Variants in ZNF735 observed in about 807,000 individuals in gnomAD.
The protein encoded by ZNF735 is zinc finger protein 735, also known as putative zinc finger protein 735.
A neutral mutation model predicts 13.4 loss-of-function variants in ZNF735; 11 were observed. That is an observed-to-expected ratio of 0.82 (90% CI 0.52 to 1.36). The LOEUF (loss-of-function observed/expected upper bound fraction) is 1.36, where lower values mean the gene tolerates loss of function less well. ZNF735 is among the 40% of genes most tolerant of loss of function. The pLI is 0.00. For missense variants in ZNF735, 500 were observed against 484.6 expected, an observed-to-expected ratio of 1.03 and a Z score of -0.30; for synonymous variants, 171 against 162.6, an observed-to-expected ratio of 1.05 and a Z score of -0.39.
chr7:64,209,228 G>GTTTTTT (rs377315967), intron 1 of ZNF735, among the ~76,000 whole-genome samples: 3,242 of 139,668 alleles, frequency 0.023, 74 homozygotes, highest in East Asian at 0.12. Flanking sequence ...CATCTGTTCC[G>GTTTTTT]TTTTTTTTTT....
exon 4 of ZNF735, chr7:64,219,444 A>G (rs1475281528): frequency 6.2e-7 from 1 of 1,613,816 alleles, no homozygotes; most frequent in Non-Finnish European, 8.5e-7. Context: ...GTTGTAAAAG[A>G]GTAGATGAGT....
At chr7:64,212,522 GT>G (rs1231003091) in intron 1 of ZNF735, among the ~76,000 whole-genome samples, 3 of 152,222 alleles carry the variant, frequency 2.0e-5, no homozygotes, top group Non-Finnish European at 4.4e-5. Flanking sequence ...ACCGGGTGAG[GT>G]GGCTCATGCC....
exon 4 of ZNF735, chr7:64,219,370 C>T: frequency 6.2e-7 from 1 of 1,613,804 alleles, no homozygotes; most frequent in South Asian, 1.1e-5. Context: ...AAAAGATTCA[C>T]TCCAAAAAGT....
exon 2 of ZNF735, chr7:64,213,198 A>G: frequency 1.2e-6 from 2 of 1,607,688 alleles, no homozygotes; most frequent in Non-Finnish European, 1.7e-6. Context: ...TTAGAGAACT[A>G]CAGAAACCTG....
At chr7:64,211,480 A>G (rs957361101) in intron 1 of ZNF735, among the ~76,000 whole-genome samples, 10 of 152,182 alleles carry the variant, frequency 6.6e-5, no homozygotes, top group African/African-American at 2.4e-4. Flanking sequence ...CCAGGGTGCT[A>G]AACAAAGACT....
intron 1 of ZNF735, among the ~76,000 whole-genome samples, chr7:64,209,624 C>G (rs188684582): frequency 6.6e-6 from 1 of 152,214 alleles, no homozygotes; most frequent in Admixed American, 6.5e-5. Context: ...AGTGCATGGC[C>G]TGTTGAACTT....
intron 3 of ZNF735, among the ~76,000 whole-genome samples, chr7:64,218,431 T>C (rs1414426077): frequency 6.6e-6 from 1 of 152,120 alleles, no homozygotes; most frequent in Non-Finnish European, 1.5e-5. Context: ...TTGTTTAACT[T>C]CTTCATTTGT....
intron 1 of ZNF735, among the ~76,000 whole-genome samples, chr7:64,212,767 G>A (rs1584213775): frequency 6.6e-6 from 1 of 151,186 alleles, no homozygotes; most frequent in Non-Finnish European, 1.5e-5. Context: ...CTCCAGTCTG[G>A]GCAACAGAGT....
At chr7:64,218,068 G>T (rs1390741960) in intron 3 of ZNF735, among the ~76,000 whole-genome samples, 1 of 151,964 alleles carries the variant, frequency 6.6e-6, no homozygotes, top group Non-Finnish European at 1.5e-5. Flanking sequence ...TATATTATTT[G>T]AAGTGGAAAG....
exon 4 of ZNF735, chr7:64,219,411 T>C (rs1787459464): frequency 1.9e-6 from 3 of 1,613,862 alleles, no homozygotes; most frequent in Non-Finnish European, 2.5e-6. Context: ...AATGTGGACA[T>C]GAGAATTTAC....
chr7:64,219,587 A>G (rs757458119), exon 4 of ZNF735: 1 of 1,577,638 alleles, frequency 6.3e-7, no homozygotes, highest in Admixed American at 1.9e-5. Flanking sequence ...AATGCAAGAT[A>G]TACTGGAAAG....
chr7:64,211,951 G>A (rs1469299150), intron 1 of ZNF735, among the ~76,000 whole-genome samples: 2 of 151,244 alleles, frequency 1.3e-5, no homozygotes, highest in Non-Finnish European at 2.9e-5. Context: ...TCTGAGAGGA[G>A]AGAAATACCA....
chr7:64,207,364 C>T (rs1175334880), intron 1 of ZNF735, 123 bp downstream of exon 1: 11 of 1,584,386 alleles, frequency 6.9e-6, no homozygotes, highest in Admixed American at 1.7e-5. Flanking sequence ...CCAAATCCTC[C>T]TTGGCCCAGT....
At chr7:64,214,209 G>T in intron 3 of ZNF735, 101 bp downstream of exon 3, 1 of 1,264,346 alleles carries the variant, frequency 7.9e-7, no homozygotes, top group Admixed American at 2.6e-5. Context: ...TGCTTTTATG[G>T]AAAGAGTTTC....
At chr7:64,209,541 G>T (rs564739646) in intron 1 of ZNF735, among the ~76,000 whole-genome samples, 1 of 152,016 alleles carries the variant, frequency 6.6e-6, no homozygotes, top group East Asian at 1.9e-4. Flanking sequence ...TGGCCAGGCT[G>T]GTCTCAAACT....
chr7:64,215,579 T>A (rs1194225368), intron 3 of ZNF735, among the ~76,000 whole-genome samples: 1 of 152,212 alleles, frequency 6.6e-6, no homozygotes, highest in Non-Finnish European at 1.5e-5. Flanking sequence ...CTCATGCATT[T>A]GATGACATGT....
chr7:64,219,666 A>T, exon 4 of ZNF735: 12 of 1,585,250 alleles, frequency 7.6e-6, no homozygotes, highest in Non-Finnish European at 1.0e-5. Flanking sequence ...AACATCAGAT[A>T]ATTCATACTA....
chr7:64,215,964 T>C (rs1318675912), intron 3 of ZNF735, among the ~76,000 whole-genome samples: 2 of 152,174 alleles, frequency 1.3e-5, no homozygotes, highest in Admixed American at 6.6e-5. Context: ...GCCTCTGTTT[T>C]TCATGTGTGT....
In ZNF735 at chr7:64,214,045, T is replaced by A. The variant is rs753456563; in HGVS notation, c.199T>A (p.Cys67Ser). The change falls in exon 3 of 4, where the codon TGT (cysteine) becomes AGT (serine). Residue 67 changes from cysteine (C) to serine (S), a missense_variant. By Grantham distance (112) the Cys-to-Ser change is moderately radical. Coordinates refer to ENST00000429565, the Ensembl canonical transcript of ZNF735. ...TGTCTCTAAGCCAGACTTGATCGCC[T>A]GTCTGGAGCAAAATAAAGAGCCCCA... 7 of 1,600,072 alleles carry A rather than the reference T, an allele frequency of 4.4e-6. No homozygotes were observed. In the East Asian group the frequency reaches 1.3e-4, roughly 31 times the overall value.
Sources: gnomAD v4.1 joint callset for allele counts (sites outside exome capture counted in the v4.1 genomes callset) on GRCh38, gnomAD v4.1.1 for gene constraint, MANE v1.5 for transcripts, NCBI Gene and HGNC (gene_info 2026-07-23, HGNC 2026-07-21) for gene names.